MBNL1: variants seen among roughly 807,000 people sequenced by gnomAD.
MBNL1 encodes the protein muscleblind-like protein 1.
A neutral mutation model predicts 42.2 loss-of-function variants in MBNL1; 8 were observed. The observed-to-expected ratio is 0.19, with a 90% CI of 0.11 to 0.34. The LOEUF (loss-of-function observed/expected upper bound fraction) is 0.34. Ranked by LOEUF, MBNL1 falls within the 10% of genes least tolerant of loss-of-function variation. The pLI is 1.00. For synonymous variants in MBNL1, 169 were observed against 173.9 expected (o/e 0.97, Z 0.22); for missense variants, 309 against 495.3 (o/e 0.62, Z 3.57).
chr3:152,373,164 G>C (rs2153274816), intron 2 of MBNL1, among the ~76,000 whole-genome samples: 1 of 152,208 alleles, frequency 6.6e-6, no homozygotes, highest in Admixed American at 6.5e-5. Context: ...AAGCTTGAGA[G>C]TCCCAGGTCG....
At chr3:152,286,499 TATAA>T (rs1213853478) in intron 1 of MBNL1, among the ~76,000 whole-genome samples, 3 of 142,432 alleles carry the variant, frequency 2.1e-5, no homozygotes, top group South Asian at 2.1e-4. Flanking sequence ...TTATTTATAA[TATAA>T]ATATTTATAT....
At chr3:152,455,838 A>G (rs540808741) in intron 7 of MBNL1, among the ~76,000 whole-genome samples, 1 of 152,334 alleles carries the variant, frequency 6.6e-6, no homozygotes, top group Non-Finnish European at 1.5e-5. Context: ...AATCTATTTC[A>G]TAAAAGTAAT....
intron 4 of MBNL1, among the ~76,000 whole-genome samples, chr3:152,435,898 C>T (rs1477254419): frequency 6.6e-6 from 1 of 152,092 alleles, no homozygotes; most frequent in Non-Finnish European, 1.5e-5. Flanking sequence ...GATTTTGTGT[C>T]CTGCAACTTT....
intron 2 of MBNL1, among the ~76,000 whole-genome samples, chr3:152,352,436 C>G (rs929102241): frequency 1.3e-5 from 2 of 152,160 alleles, no homozygotes; most frequent in Non-Finnish European, 2.9e-5. Flanking sequence ...TCCTGGCTCA[C>G]GTCTCTAGGG....
chr3:152,378,008 C>A (rs1399920466), intron 2 of MBNL1, among the ~76,000 whole-genome samples: 2 of 152,058 alleles, frequency 1.3e-5, no homozygotes, highest in African/African-American at 4.8e-5. Context: ...TTTCTAAGAA[C>A]CTATTGGTGA....
At chr3:152,259,546 A>C (rs2035932016) in intron 2 of MBNL1, among the ~76,000 whole-genome samples, 1 of 152,222 alleles carries the variant, frequency 6.6e-6, no homozygotes, top group South Asian at 2.1e-4. Flanking sequence ...GAAGTTATCA[A>C]AGATAAGCTG....
Position 152,370,736 on chromosome 3 carries a change from T to G in MBNL1, c.175-44205T>G, listed in dbSNP as rs1170993815. Among the ~76,000 whole-genome samples the G allele has an allele frequency of 2.6e-5, 4 of 152,142 alleles. No homozygotes were observed. In the East Asian group the frequency reaches 7.7e-4, roughly 29 times the overall value. Reference sequence around the variant, plus strand: ...TTAGCTCTTCTTGTTGCATTGAACCTTTTACCATTATGTAATGCCCTTCTT... The same window carrying G: ...TTAGCTCTTCTTGTTGCATTGAACCGTTTACCATTATGTAATGCCCTTCTT... On this transcript the variant is annotated intron_variant, in intron 2 of 9. Transcript: ENST00000324210.
At chr3:152,264,475 A>G (rs1165505087), upstream of MBNL1, 1 of 152,000 alleles carries the variant, frequency 6.6e-6, no homozygotes, top group Admixed American at 6.6e-5. Flanking sequence ...TGTTAGGCCT[A>G]TTTTAGAGCT....
intron 2 of MBNL1, among the ~76,000 whole-genome samples, chr3:152,350,822 T>A (rs776142516): frequency 3.3e-5 from 5 of 152,148 alleles, no homozygotes; most frequent in Non-Finnish European, 5.9e-5. Context: ...TTAAAAATAT[T>A]TTATTTTAAC....
chr3:152,382,918 C>T (rs1017829845), intron 2 of MBNL1, among the ~76,000 whole-genome samples: 1 of 152,060 alleles, frequency 6.6e-6, no homozygotes, highest in Non-Finnish European at 1.5e-5. Context: ...GTCTGCCAGT[C>T]ACATCTCTTG....
chr3:152,315,845 A>AAC (rs147766235), intron 2 of MBNL1, among the ~76,000 whole-genome samples: 18,778 of 142,652 alleles, frequency 0.13, 1,399 homozygotes, highest in East Asian at 0.29. Flanking sequence ...AAAGCGTGTG[A>AAC]ACACACACAC....
chr3:152,456,422 C>A, intron 8 of MBNL1, 61 bp downstream of exon 8: 2 of 1,333,940 alleles, frequency 1.5e-6, no homozygotes, highest in Non-Finnish European at 2.2e-6. Flanking sequence ...AATCCAACAG[C>A]CCTTACGCAC....
At chr3:152,303,316 G>A (rs757693214) in intron 2 of MBNL1, among the ~76,000 whole-genome samples, 2 of 152,144 alleles carry the variant, frequency 1.3e-5, no homozygotes, top group Non-Finnish European at 2.9e-5. Context: ...CTGTAATAAT[G>A]TGTGCTAGTA....
At chr3:152,390,323 T>C (rs974943382) in intron 2 of MBNL1, among the ~76,000 whole-genome samples, 5 of 151,918 alleles carry the variant, frequency 3.3e-5, no homozygotes. Context: ...ATTTTAGGCC[T>C]ACACAGGGTT....
intron 2 of MBNL1, 47 bp from the exon 3 acceptor site, chr3:152,414,894 G>A: frequency 6.3e-7 from 1 of 1,591,474 alleles, no homozygotes; most frequent in East Asian, 2.2e-5. Flanking sequence ...ATAATTTGCT[G>A]ATTTTATTCT....
At chr3:152,313,026 C>CTT (rs5853576) in intron 2 of MBNL1, among the ~76,000 whole-genome samples, 50 of 146,724 alleles carry the variant, frequency 3.4e-4, no homozygotes, top group East Asian at 2.0e-3. Context: ...CAAGTGAAAA[C>CTT]TTTTTTTTTT....
intron 2 of MBNL1, among the ~76,000 whole-genome samples, chr3:152,254,063 A>G (rs1420730794): frequency 6.6e-6 from 1 of 152,258 alleles, no homozygotes; most frequent in African/African-American, 2.4e-5. Flanking sequence ...GGTGCTCAGT[A>G]AATAAACAAT....
intron 2 of MBNL1, among the ~76,000 whole-genome samples, chr3:152,354,086 G>A (rs936689299): frequency 3.9e-5 from 6 of 152,214 alleles, no homozygotes; most frequent in South Asian, 2.1e-4. Context: ...CTGAACAATA[G>A]CTTTTATTCA....
At chr3:152,371,091 G>C (rs2096641292) in intron 2 of MBNL1, among the ~76,000 whole-genome samples, 1 of 152,108 alleles carries the variant, frequency 6.6e-6, no homozygotes, top group South Asian at 2.1e-4. Flanking sequence ...TCTTCATAAT[G>C]TCAATGGCCT....
Sources: allele counts gnomAD v4.1 joint callset (sites outside exome capture counted in the v4.1 genomes callset), GRCh38; gene constraint gnomAD v4.1.1; transcripts MANE v1.5; gene names NCBI Gene and HGNC (gene_info 2026-07-23, HGNC 2026-07-21).